LAMA2: variants seen among roughly 807,000 people sequenced by gnomAD.
The protein encoded by LAMA2 is laminin subunit alpha 2.
LAMA2 carries 269 observed loss-of-function variants against 364.8 expected under a neutral mutation model. The ratio of observed to expected loss-of-function variants is 0.74; its 90% CI spans 0.67 to 0.82. LAMA2 has a LOEUF of 0.82. LAMA2 is among the 40% of genes least tolerant of loss of function. The pLI is 0.00. For synonymous variants in LAMA2, 1,379 were observed against 1,370.6 expected, an observed-to-expected ratio of 1.01 and a Z score of -0.14; for missense variants, 3,807 against 3,873.2, an observed-to-expected ratio of 0.98 and a Z score of 0.45.
chr6:129,473,129 C>A (rs867051639), intron 51 of LAMA2, 85 bp from the exon 52 acceptor site: 3 of 1,091,086 alleles, frequency 2.7e-6, no homozygotes, highest in South Asian at 2.7e-5. Flanking sequence ...CGAATTAAAC[C>A]AAATTTGTCT....
intron 12 of LAMA2, among the ~76,000 whole-genome samples, chr6:129,203,841 C>T (rs1038754535): frequency 1.3e-5 from 2 of 152,082 alleles, no homozygotes; most frequent in Non-Finnish European, 2.9e-5. Context: ...TCTAGTTGAG[C>T]CAGATTCTCA....
chr6:128,893,983 A>T (rs568853968), intron 1 of LAMA2, among the ~76,000 whole-genome samples: 1 of 152,212 alleles, frequency 6.6e-6, no homozygotes, highest in South Asian at 2.1e-4. Flanking sequence ...CATATTAAGA[A>T]ATATATAACA....
At chr6:129,256,917 G>C (rs1165234549) in intron 14 of LAMA2, among the ~76,000 whole-genome samples, 1 of 150,878 alleles carries the variant, frequency 6.6e-6, no homozygotes, top group Non-Finnish European at 1.5e-5. Context: ...GGGAAATGTA[G>C]TAAAACAAAA....
chr6:128,991,562 C>T (rs1186107907), intron 1 of LAMA2, among the ~76,000 whole-genome samples: 1 of 152,098 alleles, frequency 6.6e-6, no homozygotes, highest in Non-Finnish European at 1.5e-5. Flanking sequence ...GCTTTTCATA[C>T]TAAACAGTGA....
chr6:129,262,197 A>T (rs559716365), intron 15 of LAMA2, among the ~76,000 whole-genome samples: 1 of 152,156 alleles, frequency 6.6e-6, no homozygotes, highest in Non-Finnish European at 1.5e-5. Flanking sequence ...TATTTTCAAT[A>T]CATTCTAGAT....
At chr6:129,020,064 C>T (rs898082491) in intron 1 of LAMA2, among the ~76,000 whole-genome samples, 1 of 136,104 alleles carries the variant, frequency 7.3e-6, no homozygotes, top group Non-Finnish European at 1.5e-5. Context: ...CCAGCCTGGG[C>T]GACAAGAGCA....
intron 12 of LAMA2, among the ~76,000 whole-genome samples, chr6:129,239,404 T>C (rs923057970): frequency 6.6e-6 from 1 of 152,208 alleles, no homozygotes; most frequent in Non-Finnish European, 1.5e-5. Context: ...AGCTCTAAAA[T>C]TGCAGAGCAG....
At chr6:128,917,212 G>A (rs1167754678) in intron 1 of LAMA2, among the ~76,000 whole-genome samples, 1 of 150,584 alleles carries the variant, frequency 6.6e-6, no homozygotes, top group Non-Finnish European at 1.5e-5. Flanking sequence ...ATTAATATAT[G>A]TTTACTATGT....
At chr6:129,310,142 G>A (rs9492299) in intron 22 of LAMA2, among the ~76,000 whole-genome samples, 11,315 of 151,824 alleles carry the variant, frequency 0.075, 601 homozygotes, top group African/African-American at 0.15. Flanking sequence ...CTCGTGATCC[G>A]CCCGCCTCGG....
chr6:129,307,283 T>C (rs1189593577), intron 22 of LAMA2, among the ~76,000 whole-genome samples: 1 of 152,240 alleles, frequency 6.6e-6, no homozygotes, highest in East Asian at 1.9e-4. Flanking sequence ...CCAAGCTTTC[T>C]CTGGGCTGTA....
intron 15 of LAMA2, among the ~76,000 whole-genome samples, chr6:129,263,887 A>G (rs561935581): frequency 1.3e-4 from 19 of 151,974 alleles, no homozygotes; most frequent in African/African-American, 4.6e-4. Flanking sequence ...CTACAGGTGT[A>G]TACCACCATG....
At chr6:128,975,613 C>G (rs1003165975) in intron 1 of LAMA2, among the ~76,000 whole-genome samples, 2 of 152,096 alleles carry the variant, frequency 1.3e-5, no homozygotes, top group Non-Finnish European at 1.5e-5. Flanking sequence ...TGGGAGGGAC[C>G]TGGAGGGAGG....
intron 1 of LAMA2, among the ~76,000 whole-genome samples, chr6:128,955,587 A>C (rs1781094087): frequency 6.6e-6 from 1 of 151,978 alleles, no homozygotes; most frequent in African/African-American, 2.4e-5. Flanking sequence ...ATCACATTTA[A>C]GAGTTTCTTT....
chr6:129,116,296 A>G (rs956996616), intron 4 of LAMA2, among the ~76,000 whole-genome samples: 3 of 152,136 alleles, frequency 2.0e-5, no homozygotes, highest in Non-Finnish European at 2.9e-5. Flanking sequence ...GCAATGTGCA[A>G]TGTTGTTCGA....
At chr6:129,197,351 T>C (rs551403160) in intron 12 of LAMA2, among the ~76,000 whole-genome samples, 28 of 152,274 alleles carry the variant, frequency 1.8e-4, no homozygotes, top group Non-Finnish European at 3.4e-4. Context: ...TTCATCTACA[T>C]GACAAGAACC....
chr6:129,179,836 A>G (rs1203955953), intron 10 of LAMA2, among the ~76,000 whole-genome samples: 4 of 152,164 alleles, frequency 2.6e-5, no homozygotes, highest in African/African-American at 4.8e-5. Context: ...AATTATAAAA[A>G]TCACAAATTA....
chr6:129,322,808 C>T (rs867048151), intron 28 of LAMA2, among the ~76,000 whole-genome samples: 1 of 152,094 alleles, frequency 6.6e-6, no homozygotes, highest in Admixed American at 6.6e-5. Context: ...TGTTAAAAAC[C>T]TTTCTTCATA....
At chr6:128,908,799 T>C (rs1322584421) in intron 1 of LAMA2, among the ~76,000 whole-genome samples, 1 of 150,028 alleles carries the variant, frequency 6.7e-6, no homozygotes, top group Middle Eastern at 3.2e-3. Flanking sequence ...CTCTACACAC[T>C]GCTTTGAATG....
At position 129,246,459 on chromosome 6, in the gene LAMA2, T is replaced by C. The variant is rs111847675; in HGVS notation, c.1783-3653T>C. Reference sequence around the variant, plus strand: ...TTCAAATGTTTACAATATTCCACTGTGCCTTTGTGAGTTCACTGCAGCACC... The same window carrying C: ...TTCAAATGTTTACAATATTCCACTGCGCCTTTGTGAGTTCACTGCAGCACC... On this transcript the variant is annotated intron_variant, in intron 12 of 64. Coordinates refer to ENST00000421865, the MANE Select transcript of LAMA2 (RefSeq NM_000426.4). 6.3e-4 allele frequency among the ~76,000 whole-genome samples: 96 copies of C among 152,316 alleles called. 1 individual carries two copies. Among genetic ancestry groups the C allele is most frequent in the African/African-American group, 2.3e-3 (94 of 41,572 alleles).
Sources: gnomAD v4.1 joint callset for allele counts (sites outside exome capture counted in the v4.1 genomes callset) on GRCh38, gnomAD v4.1.1 for gene constraint, MANE v1.5 for transcripts, NCBI Gene and HGNC (gene_info 2026-07-23, HGNC 2026-07-21) for gene names.